The following ITSN1 variants were observed in gnomAD, a reference collection of about 807,000 sequenced individuals.
ITSN1 encodes intersectin 1, also known as intersectin-1.
In ITSN1, 58 loss-of-function variants were observed where a neutral mutation model predicts 239.8. That is an observed-to-expected ratio of 0.24 (90% CI 0.20 to 0.30). The LOEUF (loss-of-function observed/expected upper bound fraction) is 0.30, where lower values mean the gene tolerates loss of function less well. Ranked by LOEUF, ITSN1 falls within the 10% of genes least tolerant of loss-of-function variation. The probability of loss-of-function intolerance (pLI) is 1.00; values close to 1 mark genes in which losing one functional copy is unlikely to be tolerated. For missense variants in ITSN1, 1,558 were observed against 2,103.3 expected, an observed-to-expected ratio of 0.74 and a Z score of 5.07; for synonymous variants, 780 against 770.8, an observed-to-expected ratio of 1.01 and a Z score of -0.20.
intron 34 of ITSN1, among the ~76,000 whole-genome samples, chr21:33,881,707 C>T (rs1020476890): frequency 1.3e-5 from 2 of 151,998 alleles, no homozygotes; most frequent in African/African-American, 2.4e-5. Context: ...ATGGCCAAGC[C>T]CAGTGGCTCA....
intron 1 of ITSN1, among the ~76,000 whole-genome samples, chr21:33,672,797 C>T (rs756441467): frequency 1.4e-4 from 21 of 152,072 alleles, no homozygotes; most frequent in African/African-American, 3.4e-4. Context: ...CTGCAACCTC[C>T]GCCTCCCGGG....
intron 1 of ITSN1, among the ~76,000 whole-genome samples, chr21:33,672,751 C>T (rs557712784): frequency 6.4e-4 from 96 of 149,972 alleles, no homozygotes; most frequent in African/African-American, 2.1e-3. Flanking sequence ...CTCCTTCTGT[C>T]GCCAGGCTGG....
At chr21:33,735,858 G>A (rs1184492972) in intron 5 of ITSN1, among the ~76,000 whole-genome samples, 1 of 151,972 alleles carries the variant, frequency 6.6e-6, no homozygotes, top group East Asian at 1.9e-4. Flanking sequence ...TAAAAAATTA[G>A]CCAGGTGTGG....
chr21:33,748,164 A>G (rs1333631459), intron 5 of ITSN1, among the ~76,000 whole-genome samples: 2 of 152,208 alleles, frequency 1.3e-5, no homozygotes, highest in East Asian at 3.8e-4. Context: ...CCCTACAACA[A>G]CCACATAGAA....
At chr21:33,839,378 G>A (rs1197506352) in intron 29 of ITSN1, among the ~76,000 whole-genome samples, 1 of 152,192 alleles carries the variant, frequency 6.6e-6, no homozygotes, top group African/African-American at 2.4e-5. Flanking sequence ...CCTTCAGGGG[G>A]TGGGGCGGGG....
intron 29 of ITSN1, among the ~76,000 whole-genome samples, chr21:33,854,706 C>G (rs933604243): frequency 1.3e-5 from 2 of 152,220 alleles, no homozygotes; most frequent in Non-Finnish European, 2.9e-5. Flanking sequence ...AAAAGACAAT[C>G]TATGCCCTGA....
At chr21:33,833,862 A>T (rs1195004241) in intron 27 of ITSN1, among the ~76,000 whole-genome samples, 1 of 143,066 alleles carries the variant, frequency 7.0e-6, no homozygotes, top group Non-Finnish European at 1.5e-5. Context: ...ACAGAGCGAG[A>T]CTCCGTCTCA....
chr21:33,781,489 T>C lies in ITSN1; in HGVS notation c.1625T>C (p.Ile542Thr), dbSNP rs2070174418. Residue 542 changes from isoleucine (I) to threonine (T), a missense_variant, in exon 15 of 40, where the codon ATT (isoleucine) becomes ACT (threonine). Coordinates refer to ENST00000381318, the MANE Select transcript of ITSN1 (RefSeq NM_003024.3). ...TCTCAGCAAATGCTTGGAAGACTTATTCCAGAAAAACAGATACTCAATGAC... is the reference window on the plus strand; with the variant it reads ...TCTCAGCAAATGCTTGGAAGACTTACTCCAGAAAAACAGATACTCAATGAC... ...QESQQMLGRLIPEKQILNDQL... is the reference protein window; with the variant it reads ...QESQQMLGRLTPEKQILNDQL... 4 of 1,598,090 alleles carry C rather than the reference T, an allele frequency of 2.5e-6. No homozygotes were observed. Among genetic ancestry groups the C allele is most frequent in the Non-Finnish European group, 3.4e-6 (4 of 1,170,794 alleles).
intron 32 of ITSN1, among the ~76,000 whole-genome samples, chr21:33,866,778 C>T (rs1321081140): frequency 9.9e-5 from 15 of 152,202 alleles, no homozygotes; most frequent in African/African-American, 2.7e-4. Context: ...CCCAGAGGCA[C>T]GTGCAGGCTC....
chr21:33,790,268 TTTAATATTTAATA>T (rs1391189252), intron 16 of ITSN1, among the ~76,000 whole-genome samples: 3 of 151,616 alleles, frequency 2.0e-5, no homozygotes, highest in African/African-American at 7.2e-5. Flanking sequence ...AAAAACTTAT[TTTAATATTTAATA>T]TTAATATTTA....
In ITSN1 at chr21:33,858,838, C is replaced by T. The variant is rs113127322; in HGVS notation, c.3890+46C>T. 28 of 1,092,762 alleles carry T rather than the reference C, an allele frequency of 2.6e-5. No homozygotes were observed. In the African/African-American group the frequency reaches 2.6e-4, roughly 10 times the overall value. The allele number at this position is 1,092,762 out of a possible 1,614,324, so 67.7% of individuals were successfully genotyped here. ...CCAGCCTGGCTTGGCCTCCTCGGCT[C>T]TCATGCACTCGCACCTCTGTGGGTC... On this transcript the variant is annotated intron_variant, in intron 31 of 39. Transcript: ENST00000381318.
chr21:33,763,426 A>G (rs1468402129), intron 9 of ITSN1, among the ~76,000 whole-genome samples: 1 of 151,908 alleles, frequency 6.6e-6, no homozygotes, highest in African/African-American at 2.4e-5. Flanking sequence ...GGGCCCGATA[A>G]ATCTTTGTTG....
Position 33,809,982 on chromosome 21 carries a change from G to A in ITSN1, c.2320-993G>A, listed in dbSNP as rs549944750. 3.3e-5 allele frequency among the ~76,000 whole-genome samples: 5 copies of A among 152,092 alleles called. No homozygotes were observed. In the East Asian group the frequency reaches 5.8e-4, roughly 18 times the overall value. On this transcript the variant is annotated intron_variant, in intron 20 of 39. Transcript: ENST00000381318. ...CTAGTTTTGTATTTGTAGTAGAGAC[G>A]AGGTTTCACTGTGTTGGTCAGGCTG...
intron 1 of ITSN1, among the ~76,000 whole-genome samples, chr21:33,705,701 A>AT (rs1009397241): frequency 2.0e-5 from 3 of 151,724 alleles, no homozygotes; most frequent in Middle Eastern, 3.4e-3. Context: ...TAAAACCTAC[A>AT]TTTTTTTCAA....
chr21:33,663,760 G>A (rs1225729605), intron 1 of ITSN1, among the ~76,000 whole-genome samples: 2 of 152,112 alleles, frequency 1.3e-5, no homozygotes, highest in East Asian at 1.9e-4. Flanking sequence ...GCATCACCAC[G>A]CCTGGCTAAT....
At chr21:33,814,453 C>A in intron 22 of ITSN1, 1 of 201,896 alleles carries the variant, frequency 5.0e-6, no homozygotes, top group Non-Finnish European at 1.0e-5. Context: ...CATACCCCTC[C>A]ATTTGTCTAG....
chr21:33,781,658 G>A (rs2070192491), intron 15 of ITSN1, 110 bp downstream of exon 15: 1 of 644,518 alleles, frequency 1.6e-6, no homozygotes, highest in East Asian at 3.1e-5. Flanking sequence ...TCGGCCAACT[G>A]TAACCTCCGC....
chr21:33,643,487 C>A (rs916830181), intron 1 of ITSN1: 1 of 152,064 alleles, frequency 6.6e-6, no homozygotes, highest in African/African-American at 2.4e-5. Flanking sequence ...CCTTCCTGCG[C>A]TTCTGCTTGC....
At chr21:33,690,167 A>G (rs1401452182) in intron 1 of ITSN1, among the ~76,000 whole-genome samples, 1 of 151,746 alleles carries the variant, frequency 6.6e-6, no homozygotes, top group African/African-American at 2.4e-5. Flanking sequence ...AGTCCCAGCT[A>G]TTCAGGAGGC....
Sources: gnomAD v4.1 joint callset for allele counts (sites outside exome capture counted in the v4.1 genomes callset) on GRCh38, gnomAD v4.1.1 for gene constraint, MANE v1.5 for transcripts, NCBI Gene and HGNC (gene_info 2026-07-23, HGNC 2026-07-21) for gene names.